Variants in KIFAP3 observed in about 807,000 individuals in gnomAD.
KIFAP3 encodes the protein kinesin-associated protein 3.
KIFAP3 carries 68 observed loss-of-function variants against 106.5 expected under a neutral mutation model. That is an observed-to-expected ratio of 0.64 (90% CI 0.53 to 0.78). The LOEUF (loss-of-function observed/expected upper bound fraction) is 0.78. Ranked by LOEUF, KIFAP3 falls within the 30% of genes least tolerant of loss-of-function variation. KIFAP3 has a pLI of 0.00. For synonymous variants in KIFAP3, 320 were observed against 311.5 expected, an observed-to-expected ratio of 1.03 and a Z score of -0.29; for missense variants, 780 against 941.8, an observed-to-expected ratio of 0.83 and a Z score of 2.25.
At chr1:169,945,320 C>A (rs1226858702) in intron 19 of KIFAP3, among the ~76,000 whole-genome samples, 2 of 152,138 alleles carry the variant, frequency 1.3e-5, no homozygotes, top group African/African-American at 4.8e-5. Flanking sequence ...GGGGGCCTTC[C>A]CCAGGCCCCC....
chr1:170,084,021 A>C (rs1672061727), intron 1 of KIFAP3, among the ~76,000 whole-genome samples: 2 of 152,210 alleles, frequency 1.3e-5, no homozygotes, highest in African/African-American at 4.8e-5. Context: ...TCACAATTTT[A>C]TAATTTGACA....
At chr1:169,955,946 A>T (rs1057253822) in intron 18 of KIFAP3, among the ~76,000 whole-genome samples, 5 of 152,180 alleles carry the variant, frequency 3.3e-5, no homozygotes, top group Admixed American at 2.0e-4. Flanking sequence ...ATGTAAAAAA[A>T]TCAATTTTAT....
At chr1:169,990,007 A>C in intron 11 of KIFAP3, 1 of 1,541,516 alleles carries the variant, frequency 6.5e-7, no homozygotes, top group Non-Finnish European at 8.8e-7. Flanking sequence ...CGATTTGTTC[A>C]TATTCTTCTA....
chr1:170,017,232 G>A (rs1354118957), intron 9 of KIFAP3, among the ~76,000 whole-genome samples: 1 of 139,672 alleles, frequency 7.2e-6, no homozygotes, highest in Non-Finnish European at 1.5e-5. Context: ...ATTCCAGCCT[G>A]GTGGCAGAGA....
At chr1:170,024,757 A>G (rs1461723043) in intron 8 of KIFAP3, 161 bp from the exon 9 acceptor site, 1 of 447,622 alleles carries the variant, frequency 2.2e-6, no homozygotes, top group Non-Finnish European at 3.9e-6. Flanking sequence ...AAAAACATTT[A>G]TTGTTACTGA....
intron 19 of KIFAP3, among the ~76,000 whole-genome samples, chr1:169,925,688 G>C (rs1169514565): frequency 1.3e-5 from 2 of 151,976 alleles, no homozygotes; most frequent in African/African-American, 2.4e-5. Context: ...ACATTACAAG[G>C]GAATGGCAGC....
chr1:170,046,612 A>G, intron 3 of KIFAP3, 100 bp downstream of exon 3: 1 of 946,128 alleles, frequency 1.1e-6, no homozygotes, highest in Non-Finnish European at 1.5e-6. Flanking sequence ...CCCAACATCA[A>G]ATATCAATAG....
intron 2 of KIFAP3, among the ~76,000 whole-genome samples, chr1:170,049,694 C>T (rs112990977): frequency 1.6e-4 from 25 of 152,144 alleles, no homozygotes; most frequent in African/African-American, 3.4e-4. Context: ...CCCAGGAGGA[C>T]GGGGTCTGGA....
chr1:169,987,006 A>G (rs1666860068), intron 11 of KIFAP3, among the ~76,000 whole-genome samples: 1 of 152,050 alleles, frequency 6.6e-6, no homozygotes, highest in Non-Finnish European at 1.5e-5. Context: ...CTAAATTAGG[A>G]CTAAATATAA....
intron 10 of KIFAP3, among the ~76,000 whole-genome samples, chr1:169,995,612 A>C (rs1667330969): frequency 6.6e-6 from 1 of 152,122 alleles, no homozygotes; most frequent in Non-Finnish European, 1.5e-5. Context: ...TCAACAACAA[A>C]GTAAATAATC....
At chr1:169,925,474 G>T (rs1339665875) in intron 19 of KIFAP3, among the ~76,000 whole-genome samples, 2 of 151,672 alleles carry the variant, frequency 1.3e-5, no homozygotes, top group East Asian at 3.9e-4. Flanking sequence ...ACAACAAATA[G>T]AAAACCATAT....
intron 19 of KIFAP3, among the ~76,000 whole-genome samples, chr1:169,929,608 C>T (rs1663351613): frequency 1.3e-5 from 2 of 152,176 alleles, no homozygotes; most frequent in South Asian, 2.1e-4. Context: ...ATGAGTTTCA[C>T]CAGCATATAT....
chr1:170,081,316 C>G (rs990260744), intron 1 of KIFAP3, among the ~76,000 whole-genome samples: 4 of 152,160 alleles, frequency 2.6e-5, no homozygotes, highest in Admixed American at 2.6e-4. Flanking sequence ...TATCATGGAA[C>G]TGGAAATTTA....
At chr1:169,985,237 G>A (rs1666759034) in intron 11 of KIFAP3, among the ~76,000 whole-genome samples, 1 of 151,830 alleles carries the variant, frequency 6.6e-6, no homozygotes, top group Non-Finnish European at 1.5e-5. Flanking sequence ...GATAAAATTT[G>A]TGTCTCAAAA....
chr1:170,082,287 A>G (rs1216983968), intron 1 of KIFAP3, among the ~76,000 whole-genome samples: 1 of 152,208 alleles, frequency 6.6e-6, no homozygotes, highest in Non-Finnish European at 1.5e-5. Context: ...ATGCAACATA[A>G]ATAAATCTTT....
At chr1:170,024,794 T>TGTG in intron 8 of KIFAP3, 198 bp from the exon 9 acceptor site, 6 of 377,648 alleles carry the variant, frequency 1.6e-5, no homozygotes, top group Non-Finnish European at 2.3e-5. Context: ...TGTGTGTGTG[T>TGTG]TATCTAAAAC....
At chr1:169,999,366 G>T (rs1428424150) in intron 10 of KIFAP3, among the ~76,000 whole-genome samples, 3 of 152,062 alleles carry the variant, frequency 2.0e-5, no homozygotes, top group African/African-American at 7.2e-5. Context: ...TTTCAAAAAG[G>T]CTCCTTTAAG....
intron 4 of KIFAP3, 81 bp from the exon 5 acceptor site, chr1:170,038,512 T>G: frequency 1.5e-6 from 2 of 1,369,296 alleles, no homozygotes; most frequent in Admixed American, 2.4e-5. Flanking sequence ...GTGATCAATA[T>G]ACTGGCCTTT....
chr1:170,077,690 C>G (rs1671946460), upstream of KIFAP3, among the ~76,000 whole-genome samples: 1 of 152,094 alleles, frequency 6.6e-6, no homozygotes, highest in South Asian at 2.1e-4. Context: ...CTCTAAAATT[C>G]CTTTGTATCC....
Sources: allele counts gnomAD v4.1 joint callset (sites outside exome capture counted in the v4.1 genomes callset), GRCh38; gene constraint gnomAD v4.1.1; transcripts MANE v1.5; gene names NCBI Gene and HGNC (gene_info 2026-07-23, HGNC 2026-07-21).